RNF121: variants seen among roughly 807,000 people sequenced by gnomAD.
RNF121 encodes the protein ring finger protein 121.
In RNF121, 21 loss-of-function variants were observed where a neutral mutation model predicts 46.5. The ratio of observed to expected loss-of-function variants is 0.45; its 90% confidence interval spans 0.32 to 0.65. The LOEUF (loss-of-function observed/expected upper bound fraction) is 0.65. Among genes scored for constraint, RNF121 ranks in the 30% least tolerant of loss-of-function variants. The pLI is 0.04. For missense variants in RNF121, 346 were observed against 416.0 expected (o/e 0.83, Z 1.46); for synonymous variants, 139 against 144.7 (o/e 0.96, Z 0.28).
intron 3 of RNF121, among the ~76,000 whole-genome samples, chr11:71,975,858 A>G (rs1311594849): frequency 6.6e-6 from 1 of 152,222 alleles, no homozygotes; most frequent in Admixed American, 6.5e-5. Context: ...AGTGACACAA[A>G]GGCAGATTTT....
rs55762433 is a variant in RNF121, at chr11:71,948,513, C to CAAAA, written c.64-8691_64-8688dup. On this transcript the variant is annotated intron_variant, in intron 1 of 8. Transcript: ENST00000361756. ...CTGGGCAACAGAGTGAAACTGTCTC[C>CAAAA]AAAAAAAAAAAAAAAAAAAAAAAAA... is the stretch of plus-strand genomic sequence containing the variant. Among the ~76,000 whole-genome samples, 5 of 35,370 alleles carry CAAAA rather than the reference C, an allele frequency of 1.4e-4. 1 individual carries two copies. The highest frequency in any genetic ancestry group is 3.8e-3 in the South Asian group (2 of 532). The allele number at this position is 35,370 out of a possible 152,430, so 23.2% of individuals were successfully genotyped here.
intron 1 of RNF121, among the ~76,000 whole-genome samples, chr11:71,945,704 A>G (rs926968726): frequency 6.6e-6 from 1 of 152,272 alleles, no homozygotes; most frequent in Non-Finnish European, 1.5e-5. Flanking sequence ...CAGATCCACT[A>G]GGATGGCTAA....
At chr11:71,935,837 A>ATTCTTT (rs1953389472) in intron 1 of RNF121, among the ~76,000 whole-genome samples, 6 of 144,914 alleles carry the variant, frequency 4.1e-5, no homozygotes, top group African/African-American at 1.0e-4. Flanking sequence ...AAGACATAAT[A>ATTCTTT]TTCTTTTTCT....
At position 71,995,432 on chromosome 11, in the gene RNF121, T is replaced by G; in HGVS notation, c.762-18T>G. 1.3e-6 allele frequency: 2 copies of G among 1,562,250 alleles called. No individual in the cohort carries two copies. The highest frequency in any genetic ancestry group is 1.7e-6 in the Non-Finnish European group (2 of 1,151,112). On this transcript the variant is annotated intron_variant, in intron 7 of 8. Coordinates refer to ENST00000361756, the MANE Select transcript of RNF121 (RefSeq NM_018320.5). ...GCCGCCCTGGCTCTCACCATTTCCC[T>G]TGACCAGCGGTGCTCAGCTTCCACG...
At chr11:71,976,042 A>G (rs1472450420) in intron 3 of RNF121, among the ~76,000 whole-genome samples, 1 of 152,196 alleles carries the variant, frequency 6.6e-6, no homozygotes, top group Non-Finnish European at 1.5e-5. Flanking sequence ...CATAGAAACT[A>G]CACTGAATAT....
intron 1 of RNF121, among the ~76,000 whole-genome samples, chr11:71,933,380 A>G (rs1373115348): frequency 2.0e-5 from 3 of 152,188 alleles, no homozygotes; most frequent in African/African-American, 7.2e-5. Flanking sequence ...CCTGCAGCTA[A>G]CTTGAGGTAT....
intron 1 of RNF121, among the ~76,000 whole-genome samples, chr11:71,953,408 T>G (rs1228381223): frequency 6.6e-6 from 1 of 152,094 alleles, no homozygotes; most frequent in Non-Finnish European, 1.5e-5. Flanking sequence ...AAATAAAGAG[T>G]CAAGTGTACA....
At chr11:71,960,919 G>C (rs943018417) in intron 3 of RNF121, 28 bp downstream of exon 3, 5 of 1,608,872 alleles carry the variant, frequency 3.1e-6, no homozygotes, top group Middle Eastern at 3.3e-4. Context: ...TTACTTCTTT[G>C]TCTGTCAGTC....
intron 6 of RNF121, 45 bp from the exon 7 acceptor site, chr11:71,994,674 T>C: frequency 6.2e-7 from 1 of 1,611,628 alleles, no homozygotes; most frequent in African/African-American, 1.3e-5. Context: ...CTTTGGCTGC[T>C]TCTCACATCT....
intron 3 of RNF121, among the ~76,000 whole-genome samples, chr11:71,976,345 CTTTTTTTTTTTTTTTT>C (rs35710756): frequency 4.3e-5 from 2 of 46,080 alleles, no homozygotes; most frequent in South Asian, 1.3e-3. Flanking sequence ...TGGGTATATT[CTTTTTTTTTTTTTTTT>C]TTTTTTTTTT....
intron 1 of RNF121, among the ~76,000 whole-genome samples, chr11:71,943,948 G>C: frequency 6.6e-6 from 1 of 152,142 alleles, no homozygotes; most frequent in Middle Eastern, 3.2e-3. Context: ...GGAAAGGGAG[G>C]CAGATGTGAT....
chr11:71,960,742 G>C lies in RNF121; in HGVS notation c.102-8G>C, dbSNP rs572192148. 2.8e-4 allele frequency: 446 copies of C among 1,611,440 alleles called. 6 individuals carry two copies. In the South Asian group the frequency reaches 4.8e-3, roughly 17 times the overall value. On this transcript the variant is annotated splice_region_variant and splice_polypyrimidine_tract_variant and intron_variant, in intron 2 of 8. Coordinates refer to ENST00000361756, the MANE Select transcript of RNF121 (RefSeq NM_018320.5). ...TGACTTGATTCACCCCATGTGTTTG[G>C]CTTTCAGGGTCGAGCACGCACGCAT...
chr11:71,964,531 C>T (rs1954226168), intron 3 of RNF121, among the ~76,000 whole-genome samples: 1 of 151,898 alleles, frequency 6.6e-6, no homozygotes, highest in Admixed American at 6.6e-5. Flanking sequence ...TGCAGTGGTG[C>T]AGTATGGCGA....
rs371521377 is a variant in RNF121 at position 71,976,584 on chromosome 11, T to C, written c.244-6177T>C. Among the ~76,000 whole-genome samples the C allele has an allele frequency of 1.5e-3, 223 of 152,188 alleles. 2 individuals carry two copies. Among genetic ancestry groups the C allele is most frequent in the African/African-American group, 4.2e-3 (173 of 41,522 alleles). ...TTGGTTGGCCAGTATGGTCTCGATC[T>C]CTTGACCTCGTGATCTGCCTGCCTC... On this transcript the variant is annotated intron_variant, in intron 3 of 8. Coordinates refer to ENST00000361756, the MANE Select transcript of RNF121 (RefSeq NM_018320.5).
chr11:71,934,604 G>T (rs548874674), intron 1 of RNF121, among the ~76,000 whole-genome samples: 8 of 152,186 alleles, frequency 5.3e-5, no homozygotes, highest in African/African-American at 1.9e-4. Flanking sequence ...AGAGATTTTT[G>T]GTCCAAGCCA....
In RNF121 at chr11:71,929,321, G is replaced by C. The variant is rs1436044800; in HGVS notation, c.63+197G>C. On this transcript the variant is annotated intron_variant, in intron 1 of 8. Coordinates refer to ENST00000361756, the MANE Select transcript of RNF121 (RefSeq NM_018320.5). The stretch of plus-strand genomic sequence containing the variant: ...CTCCGAGGCGGCCTTGGGAGTAGAA[G>C]ACTTGCATTAGCCTCAAGGGTGAAG... Among the ~76,000 whole-genome samples the C allele has an allele frequency of 4.6e-5, 7 of 151,754 alleles. No homozygotes were observed. The East Asian group carries it at 1.4e-3, about 29-fold the overall frequency.
At position 71,929,111 on chromosome 11, in the gene RNF121, G is replaced by C. The variant is rs1225523553; in HGVS notation, c.50G>C (p.Arg17Pro). The change falls in exon 1 of 9, where the codon CGG becomes CCG. Residue 17 changes from arginine (R) to proline (P), a missense_variant. By Grantham distance (103) the Arg-to-Pro change is moderately radical. Transcript: ENST00000361756. The stretch of plus-strand genomic sequence containing the variant: ...GTTGGAGGTGGTGCTGCTGGGGAAC[G>C]GGAGCTGGATGAGGTAAGCGGAGTT... ...VEVGGGAAGERELDEVDMSDL... is the reference protein window; with the variant it reads ...VEVGGGAAGEPELDEVDMSDL... The C allele has an allele frequency of 1.3e-6, 2 of 1,551,706 alleles. No individual in the cohort carries two copies. Among genetic ancestry groups the C allele is most frequent in the South Asian group, 1.2e-5 (1 of 84,018 alleles).
Position 71,982,851 on chromosome 11 carries a change from T to C in RNF121, c.334T>C (p.Ser112Pro). 6.2e-7 allele frequency: 1 copy of C among 1,614,102 alleles called. No homozygotes were observed. The highest frequency in any genetic ancestry group is 8.5e-7 in the Non-Finnish European group (1 of 1,179,976). ...GTTCCTAGTGATCTGGATCTTGTTC[T>C]CTGCTGTCACAGCCTTTGTTACCTT... ...WRFLVIWILF[S>P]AVTAFVTFRA... The change falls in exon 4 of 9, where the codon TCT (serine) becomes CCT (proline). Residue 112 changes from serine (S) to proline (P), a missense_variant. Ser to Pro is a moderately conservative substitution (Grantham distance 74). This residue lies in a region of RNF121 where 286 missense variants were observed against 383.8 expected (regional missense o/e 0.75). Transcript: ENST00000361756.
chr11:71,944,013 G>A (rs1231001711), intron 1 of RNF121, among the ~76,000 whole-genome samples: 2 of 152,134 alleles, frequency 1.3e-5, no homozygotes, highest in Non-Finnish European at 2.9e-5. Context: ...ATCTGTAGCT[G>A]ATGATTAGCT....
Sources: gnomAD v4.1 joint callset for allele counts (sites outside exome capture counted in the v4.1 genomes callset) on GRCh38, gnomAD v4.1.1 for gene constraint, gnomAD v4.1.1 regional missense constraint, MANE v1.5 for transcripts, NCBI Gene and HGNC (gene_info 2026-07-23, HGNC 2026-07-21) for gene names.